The following PDCD6IP variants were observed in gnomAD, a reference collection of about 807,000 sequenced individuals.
The protein encoded by PDCD6IP is programmed cell death 6-interacting protein.
PDCD6IP carries 43 observed loss-of-function variants against 103.7 expected under a neutral mutation model. The ratio of observed to expected loss-of-function variants is 0.41; its 90% CI spans 0.32 to 0.53. The LOEUF (loss-of-function observed/expected upper bound fraction) is 0.53, where lower values mean the gene tolerates loss of function less well. Among genes scored for constraint, PDCD6IP ranks in the 20% least tolerant of loss-of-function variants. PDCD6IP has a pLI of 0.16. For synonymous variants in PDCD6IP, 354 were observed against 378.7 expected (o/e 0.93, Z 0.76); for missense variants, 871 against 1,036.7 (o/e 0.84, Z 2.20).
intron 8 of PDCD6IP, among the ~76,000 whole-genome samples, chr3:33,837,621 C>T (rs1457633119): frequency 6.6e-6 from 1 of 151,194 alleles, no homozygotes; most frequent in Non-Finnish European, 1.5e-5. Context: ...CCGAGTCTTG[C>T]TCTGTTGCCC....
intron 1 of PDCD6IP, among the ~76,000 whole-genome samples, 194 bp from the exon 2 acceptor site, chr3:33,811,878 G>T (rs1397557418): frequency 6.6e-6 from 1 of 152,180 alleles, no homozygotes; most frequent in Non-Finnish European, 1.5e-5. Context: ...TGGTGGGTAT[G>T]ACTTTTTGTT....
chr3:33,854,820 A>G (rs1240461551), intron 14 of PDCD6IP: 1 of 157,548 alleles, frequency 6.3e-6, no homozygotes, highest in African/African-American at 2.4e-5. Context: ...GCATTTCTGT[A>G]GTGAATTTGA....
At chr3:33,839,884 G>A (rs1697431514) in intron 9 of PDCD6IP, among the ~76,000 whole-genome samples, 1 of 152,100 alleles carries the variant, frequency 6.6e-6, no homozygotes, top group Admixed American at 6.6e-5. Flanking sequence ...GTGCTTACTA[G>A]CCATTCATAT....
chr3:33,811,959 T>TA, intron 1 of PDCD6IP, 113 bp from the exon 2 acceptor site: 1 of 1,358,772 alleles, frequency 7.4e-7, no homozygotes, highest in East Asian at 2.9e-5. Flanking sequence ...TCATATAAAA[T>TA]AGCTGCTCAA....
intron 1 of PDCD6IP, among the ~76,000 whole-genome samples, chr3:33,800,089 C>T (rs111361312): frequency 0.04 from 5,421 of 136,530 alleles, 155 homozygotes; most frequent in Middle Eastern, 0.082. Flanking sequence ...CACTGCACTC[C>T]AGCCTGGGCG....
At chr3:33,848,628 C>T (rs1022991255) in intron 12 of PDCD6IP, among the ~76,000 whole-genome samples, 14 of 152,154 alleles carry the variant, frequency 9.2e-5, no homozygotes, top group East Asian at 1.9e-4. Context: ...TGGTCTCGAT[C>T]GCTTGACCTT....
intron 15 of PDCD6IP, among the ~76,000 whole-genome samples, chr3:33,857,274 G>A (rs1455857760): frequency 1.3e-5 from 2 of 151,976 alleles, no homozygotes; most frequent in African/African-American, 2.4e-5. Context: ...TCTGCCTCCC[G>A]GGTTCAAGCA....
chr3:33,800,348 A>T (rs1450995253), intron 1 of PDCD6IP, among the ~76,000 whole-genome samples: 1 of 152,100 alleles, frequency 6.6e-6, no homozygotes, highest in African/African-American at 2.4e-5. Context: ...CTCTGGTGGA[A>T]GTCCATGGGA....
At chr3:33,854,501 T>A (rs1697787460) in intron 14 of PDCD6IP, 1 of 152,408 alleles carries the variant, frequency 6.6e-6, no homozygotes, top group East Asian at 1.9e-4. Context: ...GTTTAGGGAA[T>A]TCGCTTATAT....
chr3:33,830,687 A>G (rs556125066), intron 7 of PDCD6IP, among the ~76,000 whole-genome samples: 1 of 152,218 alleles, frequency 6.6e-6, no homozygotes, highest in South Asian at 2.1e-4. Context: ...GCCAGCCTGG[A>G]CAATATAGTG....
chr3:33,813,615 C>A lies in PDCD6IP; in HGVS notation c.321C>A (p.Gly107=). Residue 107 remains glycine (G), a synonymous_variant, in exon 3 of 18, where the codon GGC becomes GGA. Coordinates refer to ENST00000307296, the MANE Select transcript of PDCD6IP (RefSeq NM_013374.6). ...TCGATAAAGGTTCACTTTTTGGAGGCTCTGTAAAACTGGGTATGTAATTTT... is the reference window on the plus strand; with the variant it reads ...TCGATAAAGGTTCACTTTTTGGAGGATCTGTAAAACTGGGTATGTAATTTT... The part of the protein sequence containing the change: ...DAFDKGSLFG[G]SVKLALASLG... 3.1e-6 allele frequency: 5 copies of A among 1,588,582 alleles called. No individual in the cohort carries two copies. The highest frequency in any genetic ancestry group is 4.3e-6 in the Non-Finnish European group (5 of 1,157,344).
At chr3:33,827,227 A>G in intron 6 of PDCD6IP, 3 of 969,146 alleles carry the variant, frequency 3.1e-6, no homozygotes, top group Non-Finnish European at 3.7e-6. Flanking sequence ...AATCACTAGT[A>G]AATTTGGAAT....
chr3:33,844,624 A>C (rs545729552), intron 11 of PDCD6IP, among the ~76,000 whole-genome samples: 1 of 151,992 alleles, frequency 6.6e-6, no homozygotes, highest in Admixed American at 6.6e-5. Flanking sequence ...GACACTGTAG[A>C]CATGTGCTAC....
chr3:33,857,089 CAA>C (rs1433123164), intron 15 of PDCD6IP, among the ~76,000 whole-genome samples: 2 of 152,028 alleles, frequency 1.3e-5, no homozygotes, highest in African/African-American at 4.8e-5. Context: ...CTACCTCTAA[CAA>C]AGAGCAGGTT....
At chr3:33,857,466 A>T (rs1697854249) in intron 15 of PDCD6IP, among the ~76,000 whole-genome samples, 1 of 152,210 alleles carries the variant, frequency 6.6e-6, no homozygotes, top group Non-Finnish European at 1.5e-5. Flanking sequence ...AAAAAAGATG[A>T]GTATTCTCCA....
chr3:33,856,762 A>T (rs1421062477), intron 15 of PDCD6IP, among the ~76,000 whole-genome samples: 2 of 152,170 alleles, frequency 1.3e-5, no homozygotes, highest in Non-Finnish European at 2.9e-5. Flanking sequence ...GGTGAAAAAA[A>T]TTAGGCTGGC....
intron 4 of PDCD6IP, among the ~76,000 whole-genome samples, chr3:33,823,847 T>A (rs962983927): frequency 6.6e-6 from 1 of 151,892 alleles, no homozygotes; most frequent in Non-Finnish European, 1.5e-5. Flanking sequence ...TTTGGTTAAC[T>A]GTAACTCAGT....
chr3:33,866,567 A>G lies in PDCD6IP; in HGVS notation c.*42A>G, dbSNP rs368403170. On this transcript the variant is annotated 3_prime_UTR_variant, in exon 18 of 18. Transcript: ENST00000307296. The stretch of plus-strand genomic sequence containing the variant: ...CTCAGCTGATTCAGATCAGAGGGAA[A>G]GAAATACCAACCCTGCAATAAGTGT... 3 of 1,481,262 alleles carry G rather than the reference A, an allele frequency of 2.0e-6. No homozygotes were observed. Among genetic ancestry groups the G allele is most frequent in the Non-Finnish European group, 2.7e-6 (3 of 1,094,718 alleles). 91.8% of individuals were successfully genotyped at this position (1,481,262 alleles called of 1,614,324 possible).
chr3:33,843,680 G>T (rs1226992127), intron 10 of PDCD6IP, among the ~76,000 whole-genome samples: 1 of 151,976 alleles, frequency 6.6e-6, no homozygotes, highest in East Asian at 1.9e-4. Flanking sequence ...CATCTTATCT[G>T]TGCATTAAAA....
Sources: gnomAD v4.1 joint callset for allele counts (sites outside exome capture counted in the v4.1 genomes callset) on GRCh38, gnomAD v4.1.1 for gene constraint, MANE v1.5 for transcripts, NCBI Gene and HGNC (gene_info 2026-07-23, HGNC 2026-07-21) for gene names.